PNPLA1: variants seen among roughly 807,000 people sequenced by gnomAD.
The protein encoded by PNPLA1 is patatin like domain 1, omega-hydroxyceramide transacylase, also known as omega-hydroxyceramide transacylase.
Under a neutral mutation model 51.7 loss-of-function variants are expected in PNPLA1, and 36 were observed. The observed-to-expected ratio is 0.70, with a 90% CI of 0.53 to 0.92. The LOEUF (loss-of-function observed/expected upper bound fraction) is 0.92. Ranked by LOEUF, PNPLA1 falls within the 40% of genes least tolerant of loss-of-function variation. The pLI, the probability that PNPLA1 is intolerant of heterozygous loss-of-function variation, is 0.00. For synonymous variants in PNPLA1, 293 were observed against 280.1 expected, an observed-to-expected ratio of 1.05 and a Z score of -0.46; for missense variants, 658 against 682.5, an observed-to-expected ratio of 0.96 and a Z score of 0.40.
chr6:36,305,528 A>G (rs1223279534), intron 6 of PNPLA1, among the ~76,000 whole-genome samples: 1 of 152,138 alleles, frequency 6.6e-6, no homozygotes, highest in Non-Finnish European at 1.5e-5. Context: ...ATAATTACAT[A>G]TTAACCTTCA....
chr6:36,263,822 A>G (rs1769705290), intron 1 of PNPLA1, among the ~76,000 whole-genome samples: 1 of 152,060 alleles, frequency 6.6e-6, no homozygotes. Flanking sequence ...CACCCTCTCT[A>G]TCTGGCTTTT....
chr6:36,281,190 C>A (rs916928281), intron 1 of PNPLA1, among the ~76,000 whole-genome samples: 1 of 152,146 alleles, frequency 6.6e-6, no homozygotes, highest in African/African-American at 2.4e-5. Flanking sequence ...TGAATGAGAA[C>A]CTCCATTTTT....
At chr6:36,279,580 G>A (rs1251202918) in intron 1 of PNPLA1, among the ~76,000 whole-genome samples, 4 of 152,214 alleles carry the variant, frequency 2.6e-5, no homozygotes, top group African/African-American at 9.6e-5. Flanking sequence ...AGAGTTCCCA[G>A]GAAGGAGGAG....
intron 1 of PNPLA1, among the ~76,000 whole-genome samples, chr6:36,248,013 G>T (rs1358934677): frequency 6.6e-6 from 1 of 152,092 alleles, no homozygotes; most frequent in Admixed American, 6.5e-5. Context: ...GGTAGAGCCC[G>T]AACTGGAACC....
At chr6:36,307,753 C>T (rs753765846) in intron 8 of PNPLA1, 41 bp downstream of exon 8, 5 of 1,609,072 alleles carry the variant, frequency 3.1e-6, no homozygotes, top group East Asian at 4.5e-5. Context: ...CGGAGAGGAG[C>T]AGCTTTGGGA....
At chr6:36,291,583 C>CACGG in intron 2 of PNPLA1, 31 bp downstream of exon 2, 1 of 53,506 alleles carries the variant, frequency 1.9e-5, no homozygotes, top group South Asian at 1.8e-4. Flanking sequence ...GGGAGGGACA[C>CACGG]GGAGGGGGCG....
intron 1 of PNPLA1, among the ~76,000 whole-genome samples, chr6:36,285,208 G>A (rs903592496): frequency 1.3e-5 from 2 of 152,252 alleles, no homozygotes; most frequent in African/African-American, 4.8e-5. Flanking sequence ...GATCCATGCA[G>A]GGATTCTGAG....
intron 1 of PNPLA1, among the ~76,000 whole-genome samples, chr6:36,273,185 C>T (rs1769973207): frequency 6.6e-6 from 1 of 151,988 alleles, no homozygotes; most frequent in African/African-American, 2.4e-5. Context: ...GCAGAGGTTG[C>T]AGTGAGATCG....
chr6:36,276,239 G>A (rs967282521), intron 1 of PNPLA1, among the ~76,000 whole-genome samples: 8 of 152,214 alleles, frequency 5.3e-5, no homozygotes, highest in African/African-American at 1.7e-4. Flanking sequence ...GATTACAGGC[G>A]TGAGCCACCG....
At chr6:36,254,327 C>T (rs993452159) in intron 1 of PNPLA1, among the ~76,000 whole-genome samples, 4 of 152,142 alleles carry the variant, frequency 2.6e-5, no homozygotes, top group Admixed American at 6.5e-5. Flanking sequence ...GTAATCCCAA[C>T]ATTTTGGGAG....
At chr6:36,306,251 C>A (rs780350401) in intron 6 of PNPLA1, 41 bp from the exon 7 acceptor site, 3 of 1,473,720 alleles carry the variant, frequency 2.0e-6, no homozygotes, top group East Asian at 2.3e-5. Context: ...CCATATCCCC[C>A]CTCCCCATCT....
chr6:36,274,252 A>C (rs1361314281), intron 1 of PNPLA1, among the ~76,000 whole-genome samples: 1 of 152,202 alleles, frequency 6.6e-6, no homozygotes, highest in Non-Finnish European at 1.5e-5. Flanking sequence ...CACTTGGTAA[A>C]GCTAGAATTC....
chr6:36,260,665 TA>T (rs1172092809), intron 1 of PNPLA1, among the ~76,000 whole-genome samples: 2 of 152,230 alleles, frequency 1.3e-5, no homozygotes, highest in African/African-American at 2.4e-5. Flanking sequence ...CCCCCTTTTT[TA>T]CACAAATGGT....
At chr6:36,295,571 A>G in intron 5 of PNPLA1, 147 bp downstream of exon 5, 1 of 864,330 alleles carries the variant, frequency 1.2e-6, no homozygotes. Context: ...GGGGGTGGGG[A>G]CCTAACAGGC....
At chr6:36,300,538 C>T (rs1001590123) in intron 5 of PNPLA1, among the ~76,000 whole-genome samples, 1 of 152,074 alleles carries the variant, frequency 6.6e-6, no homozygotes, top group East Asian at 1.9e-4. Flanking sequence ...TAGAACGTCC[C>T]TCAGTTGGGG....
chr6:36,296,230 T>C (rs1770853822), intron 5 of PNPLA1, among the ~76,000 whole-genome samples: 1 of 152,186 alleles, frequency 6.6e-6, no homozygotes. Context: ...GAGCCATGAC[T>C]GCACCACTGT....
intron 1 of PNPLA1, among the ~76,000 whole-genome samples, chr6:36,285,201 C>G (rs565623704): frequency 8.5e-5 from 13 of 152,320 alleles, no homozygotes; most frequent in African/African-American, 2.9e-4. Context: ...CTCAGGTGAT[C>G]CATGCAGGGA....
At chr6:36,295,507 A>G in intron 5 of PNPLA1, 83 bp downstream of exon 5, 2 of 1,429,662 alleles carry the variant, frequency 1.4e-6, no homozygotes, top group Admixed American at 3.4e-5. Context: ...ATGGAGGGGT[A>G]TTCCCCCCAG....
chr6:36,292,457 C>T (rs957777151), intron 2 of PNPLA1, among the ~76,000 whole-genome samples: 1 of 152,126 alleles, frequency 6.6e-6, no homozygotes, highest in African/African-American at 2.4e-5. Context: ...ACACACAAGC[C>T]AGGCCTCTGG....
Sources: gnomAD v4.1 joint callset for allele counts (sites outside exome capture counted in the v4.1 genomes callset) on GRCh38, gnomAD v4.1.1 for gene constraint, MANE v1.5 for transcripts, NCBI Gene and HGNC (gene_info 2026-07-23, HGNC 2026-07-21) for gene names.